SRD5A2: variants seen among roughly 807,000 people sequenced by gnomAD.
SRD5A2 encodes steroid 5 alpha-reductase 2.
In SRD5A2, 30 loss-of-function variants were observed where a neutral mutation model predicts 27.4. The ratio of observed to expected loss-of-function variants is 1.10; its 90% CI spans 0.82 to 1.49. The LOEUF (loss-of-function observed/expected upper bound fraction) is 1.49. Ranked by LOEUF, SRD5A2 falls within the 40% of genes most tolerant of loss-of-function variation. SRD5A2 has a pLI of 0.00. For synonymous variants in SRD5A2, 141 were observed against 133.6 expected (o/e 1.06, Z -0.38); for missense variants, 348 against 323.4 (o/e 1.08, Z -0.58).
At chr2:31,552,924 C>T (rs1161681499) in intron 1 of SRD5A2, among the ~76,000 whole-genome samples, 32 of 152,108 alleles carry the variant, frequency 2.1e-4, no homozygotes, top group Admixed American at 2.0e-3. Flanking sequence ...AGCAACCAAC[C>T]CTACAGAAGT....
the SRD5A2 span, among the ~76,000 whole-genome samples, chr2:31,613,204 G>A: frequency 4.6e-5 from 7 of 151,764 alleles, no homozygotes; most frequent in East Asian, 1.2e-3. Flanking sequence ...GCACAACAAA[G>A]GAAACAACAG....
At chr2:31,605,719 C>T in the SRD5A2 span, among the ~76,000 whole-genome samples, 1 of 151,384 alleles carries the variant, frequency 6.6e-6, no homozygotes, top group Non-Finnish European at 1.5e-5. Context: ...AATATAACCA[C>T]TATGGCGAGT....
the SRD5A2 span, among the ~76,000 whole-genome samples, chr2:31,598,255 C>G: frequency 6.6e-6 from 1 of 151,840 alleles, no homozygotes; most frequent in East Asian, 1.9e-4. Context: ...TATAAGAATG[C>G]AAAGGCATAA....
the SRD5A2 span, among the ~76,000 whole-genome samples, chr2:31,612,276 G>A: frequency 2.7e-4 from 40 of 148,792 alleles, no homozygotes; most frequent in South Asian, 1.1e-3. Context: ...GCAAGACTGC[G>A]TCTCAAAATT....
Position 31,525,098 on chromosome 2 carries a change from C to G in SRD5A2, c.*1098G>C, listed in dbSNP as rs143527850. On this transcript the variant is annotated 3_prime_UTR_variant, in exon 5 of 5. Coordinates refer to ENST00000622030, the MANE Select transcript of SRD5A2 (RefSeq NM_000348.4). ...AAACAAAACAGGTTTTCTGCCCAGA[C>G]GTGCCCCTCTGTCTGCAATTTTCAG... 1 of 217,884 alleles carries G rather than the reference C, an allele frequency of 4.6e-6. No individual in the cohort carries two copies. The highest frequency in any genetic ancestry group is 9.2e-6 in the Non-Finnish European group (1 of 108,454). The allele number at this position is 217,884 out of a possible 1,614,324, so 13.5% of individuals were successfully genotyped here. A position where few individuals can be genotyped will look rare whatever the true frequency, so the allele number is the denominator to read the frequency against.
At chr2:31,623,954 A>G in the SRD5A2 span, among the ~76,000 whole-genome samples, 2 of 152,118 alleles carry the variant, frequency 1.3e-5, no homozygotes, top group Non-Finnish European at 2.9e-5. Flanking sequence ...GGATGAAGCC[A>G]ACTTGATCGT....
intron 1 of SRD5A2, among the ~76,000 whole-genome samples, chr2:31,564,299 A>G (rs1002291577): frequency 1.6e-4 from 25 of 152,034 alleles, no homozygotes; most frequent in African/African-American, 6.0e-4. Flanking sequence ...TTAGCAACAG[A>G]TAAGACATTG....
chr2:31,578,467 G>A (rs1005849081), intron 1 of SRD5A2, among the ~76,000 whole-genome samples: 12 of 152,120 alleles, frequency 7.9e-5, no homozygotes, highest in Non-Finnish European at 1.2e-4. Flanking sequence ...CAAAATGGGC[G>A]TGCCTACCTA....
At chr2:31,635,061 G>A in the SRD5A2 span, among the ~76,000 whole-genome samples, 1 of 152,162 alleles carries the variant, frequency 6.6e-6, no homozygotes, top group Non-Finnish European at 1.5e-5. Context: ...TACTGGAATT[G>A]CTGGATTATA....
the SRD5A2 span, among the ~76,000 whole-genome samples, chr2:31,596,646 C>A: frequency 6.6e-6 from 1 of 152,234 alleles, no homozygotes; most frequent in East Asian, 1.9e-4. Flanking sequence ...AGCAAAGTTT[C>A]AGGATACAAA....
At chr2:31,648,246 G>T in the SRD5A2 span, among the ~76,000 whole-genome samples, 1 of 152,174 alleles carries the variant, frequency 6.6e-6, no homozygotes, top group Non-Finnish European at 1.5e-5. Flanking sequence ...AATTTCAAAA[G>T]AATTAAAATA....
chr2:31,550,636 GAAAT>G (rs1355964187), intron 1 of SRD5A2, among the ~76,000 whole-genome samples: 1 of 151,722 alleles, frequency 6.6e-6, no homozygotes, highest in Non-Finnish European at 1.5e-5. Flanking sequence ...TAAAAAAAGA[GAAAT>G]AACCTGATTA....
chr2:31,578,254 A>G (rs1666999765), intron 1 of SRD5A2, among the ~76,000 whole-genome samples: 1 of 152,100 alleles, frequency 6.6e-6, no homozygotes, highest in Non-Finnish European at 1.5e-5. Context: ...AAATTTTTAC[A>G]TAATAATTTT....
At chr2:31,591,710 G>A in the SRD5A2 span, among the ~76,000 whole-genome samples, 1 of 143,498 alleles carries the variant, frequency 7.0e-6, no homozygotes, top group Non-Finnish European at 1.5e-5. Context: ...ATGATAGACT[G>A]GATCAAGAAA....
the SRD5A2 span, among the ~76,000 whole-genome samples, chr2:31,657,237 G>A: frequency 6.6e-6 from 1 of 152,152 alleles, no homozygotes; most frequent in African/African-American, 2.4e-5. Context: ...AATATTAGGT[G>A]TTAATAATAG....
the SRD5A2 span, among the ~76,000 whole-genome samples, chr2:31,640,439 A>C: frequency 6.6e-6 from 1 of 152,010 alleles, no homozygotes; most frequent in African/African-American, 2.4e-5. Flanking sequence ...TTTTAGGATT[A>C]GTTATTAATC....
intron 1 of SRD5A2, among the ~76,000 whole-genome samples, chr2:31,541,171 T>C (rs796902723): frequency 1.4e-4 from 22 of 152,242 alleles, no homozygotes; most frequent in African/African-American, 5.1e-4. Context: ...GCTCAGAGAA[T>C]ACCAGTAAAG....
chr2:31,618,225 G>A, the SRD5A2 span, among the ~76,000 whole-genome samples: 2 of 152,228 alleles, frequency 1.3e-5, no homozygotes, highest in Admixed American at 6.5e-5. Flanking sequence ...CAGCATGGGG[G>A]AAACTGTCCC....
At chr2:31,593,175 G>C in the SRD5A2 span, among the ~76,000 whole-genome samples, 3 of 152,018 alleles carry the variant, frequency 2.0e-5, no homozygotes, top group Non-Finnish European at 4.4e-5. Flanking sequence ...ACGAGTTAAT[G>C]GGTGCAGCAC....
Sources: gnomAD v4.1 joint callset for allele counts (sites outside exome capture counted in the v4.1 genomes callset) on GRCh38, gnomAD v4.1.1 for gene constraint, MANE v1.5 for transcripts, NCBI Gene and HGNC (gene_info 2026-07-23, HGNC 2026-07-21) for gene names.